CHST11: variants seen among roughly 807,000 people sequenced by gnomAD.
CHST11 encodes C4S-1.
Under a neutral mutation model 30.4 loss-of-function variants are expected in CHST11, and 9 were observed. The observed-to-expected ratio is 0.30, with a 90% confidence interval of 0.18 to 0.52. The LOEUF (loss-of-function observed/expected upper bound fraction) is 0.52, where lower values mean the gene tolerates loss of function less well. CHST11 is among the 20% of genes least tolerant of loss of function. The pLI is 0.97. For synonymous variants in CHST11, 152 were observed against 187.8 expected (o/e 0.81, Z 1.56); for missense variants, 348 against 460.6 (o/e 0.76, Z 2.24).
chr12:104,631,397 C>T (rs2039268611), intron 2 of CHST11, among the ~76,000 whole-genome samples: 1 of 152,124 alleles, frequency 6.6e-6, no homozygotes, highest in Non-Finnish European at 1.5e-5. Flanking sequence ...TTTAGGGTTT[C>T]TGGCCTCTCA....
At chr12:104,708,971 A>G (rs1254220982) in intron 2 of CHST11, among the ~76,000 whole-genome samples, 2 of 150,528 alleles carry the variant, frequency 1.3e-5, no homozygotes, top group Non-Finnish European at 3.0e-5. Flanking sequence ...GGAAAGAGAA[A>G]GGTCATGGGG....
intron 1 of CHST11, among the ~76,000 whole-genome samples, chr12:104,567,336 C>G (rs2038578240): frequency 6.6e-6 from 1 of 152,180 alleles, no homozygotes; most frequent in South Asian, 2.1e-4. Context: ...TCAATCAGAT[C>G]TGGCAGAAAA....
chr12:104,466,723 G>T (rs1208952074), intron 1 of CHST11, among the ~76,000 whole-genome samples: 1 of 152,150 alleles, frequency 6.6e-6, no homozygotes, highest in Non-Finnish European at 1.5e-5. Flanking sequence ...CACCCTATTG[G>T]TAAAACATAT....
At chr12:104,475,168 ACTGT>A (rs2037545076) in intron 1 of CHST11, among the ~76,000 whole-genome samples, 3 of 152,194 alleles carry the variant, frequency 2.0e-5, no homozygotes, top group Admixed American at 1.3e-4. Context: ...TGCAGTATGA[ACTGT>A]CTGACATCTC....
At chr12:104,488,397 G>T (rs184583596) in intron 1 of CHST11, among the ~76,000 whole-genome samples, 6 of 151,848 alleles carry the variant, frequency 4.0e-5, no homozygotes, top group Non-Finnish European at 7.4e-5. Flanking sequence ...GTATGTGTGC[G>T]TGTGTCCAGG....
At chr12:104,586,162 A>G (rs190649638) in intron 1 of CHST11, among the ~76,000 whole-genome samples, 57 of 152,224 alleles carry the variant, frequency 3.7e-4, no homozygotes, top group South Asian at 2.7e-3. Context: ...TGAATTTTGG[A>G]GGGACACTGT....
At chr12:104,556,854 A>G (rs902850631) in intron 1 of CHST11, among the ~76,000 whole-genome samples, 1 of 151,886 alleles carries the variant, frequency 6.6e-6, no homozygotes, top group African/African-American at 2.4e-5. Context: ...GGTGTCATGC[A>G]CCTGTAGTCC....
intron 1 of CHST11, among the ~76,000 whole-genome samples, chr12:104,559,376 G>A (rs2136015393): frequency 6.6e-6 from 1 of 152,342 alleles, no homozygotes; most frequent in Non-Finnish European, 1.5e-5. Flanking sequence ...CCAGGACTAA[G>A]GAGATGGCAT....
intron 2 of CHST11, among the ~76,000 whole-genome samples, chr12:104,689,655 C>T (rs958593006): frequency 3.3e-5 from 5 of 152,160 alleles, no homozygotes; most frequent in South Asian, 2.1e-4. Flanking sequence ...AAGTTAGAGA[C>T]GGGGTTGGGG....
At chr12:104,457,596 C>T in intron 1 of CHST11, 67 bp downstream of exon 1, 1 of 1,155,946 alleles carries the variant, frequency 8.7e-7, no homozygotes, top group Non-Finnish European at 1.3e-6. Flanking sequence ...CTCGCTCCGC[C>T]TGATTTCTGC....
intron 2 of CHST11, among the ~76,000 whole-genome samples, chr12:104,693,432 G>A (rs1357530119): frequency 6.6e-6 from 1 of 152,200 alleles, no homozygotes; most frequent in East Asian, 1.9e-4. Flanking sequence ...GAGAGGGAAG[G>A]ATCGTCATTA....
At chr12:104,567,575 T>C (rs927515583) in intron 1 of CHST11, among the ~76,000 whole-genome samples, 14 of 152,092 alleles carry the variant, frequency 9.2e-5, no homozygotes, top group African/African-American at 3.4e-4. Context: ...TTGAAACACT[T>C]AATTCTGTCC....
intron 1 of CHST11, among the ~76,000 whole-genome samples, chr12:104,511,986 T>G (rs188135978): frequency 0.018 from 2,743 of 152,324 alleles, 40 homozygotes; most frequent in Non-Finnish European, 0.024. Context: ...TCCAGATCAC[T>G]TATAATATTA....
At chr12:104,543,686 C>T (rs569017909) in intron 1 of CHST11, among the ~76,000 whole-genome samples, 68 of 152,230 alleles carry the variant, frequency 4.5e-4, no homozygotes, top group African/African-American at 1.4e-3. Context: ...TGAGACCTGA[C>T]GACAGTCACT....
chr12:104,603,033 AG>A (rs2038972006), intron 2 of CHST11, among the ~76,000 whole-genome samples: 2 of 151,996 alleles, frequency 1.3e-5, no homozygotes, highest in Non-Finnish European at 2.9e-5. Context: ...CCCTGTCTTG[AG>A]GTGTGACTTG....
At position 104,525,068 on chromosome 12, in the gene CHST11, T is replaced by C. The variant is rs76122292; in HGVS notation, c.118+67539T>C. On this transcript the variant is annotated intron_variant, in intron 1 of 2. Transcript: ENST00000303694. ...AAGATCAAATCTTATGACTGTAATTTATTAAGGTATCCAATGGAATTCTTT... is the reference window on the plus strand; with the variant it reads ...AAGATCAAATCTTATGACTGTAATTCATTAAGGTATCCAATGGAATTCTTT... 3.6e-4 allele frequency among the ~76,000 whole-genome samples: 55 copies of C among 151,930 alleles called. No individual in the cohort carries two copies. In the East Asian group the frequency reaches 8.3e-3, roughly 23 times the overall value.
At chr12:104,581,200 A>G (rs2038740610) in intron 1 of CHST11, among the ~76,000 whole-genome samples, 1 of 152,158 alleles carries the variant, frequency 6.6e-6, no homozygotes, top group Admixed American at 6.5e-5. Context: ...CTCTGATCCC[A>G]AGGGTGTTGG....
intron 2 of CHST11, among the ~76,000 whole-genome samples, chr12:104,602,446 C>G (rs2038966224): frequency 6.6e-6 from 1 of 152,198 alleles, no homozygotes; most frequent in Non-Finnish European, 1.5e-5. Flanking sequence ...GAGCGGGGAC[C>G]TTTTGCTAAG....
At chr12:104,596,692 G>GT (rs893508773) in intron 1 of CHST11, among the ~76,000 whole-genome samples, 7 of 152,148 alleles carry the variant, frequency 4.6e-5, no homozygotes, top group Admixed American at 1.3e-4. Context: ...AACTTAAAGT[G>GT]TTTTTTTATG....
Sources: gnomAD v4.1 joint callset for allele counts (sites outside exome capture counted in the v4.1 genomes callset) on GRCh38, gnomAD v4.1.1 for gene constraint, MANE v1.5 for transcripts, NCBI Gene and HGNC (gene_info 2026-07-23, HGNC 2026-07-21) for gene names.